Variants in NOX4 observed in about 807,000 individuals in gnomAD.
The protein encoded by NOX4 is NADPH oxidase 4.
NOX4 carries 69 observed loss-of-function variants against 87.6 expected under a neutral mutation model. The ratio of observed to expected loss-of-function variants is 0.79; its 90% CI spans 0.65 to 0.96. The LOEUF (loss-of-function observed/expected upper bound fraction) is 0.96. Ranked by LOEUF, NOX4 falls within the 40% of genes least tolerant of loss-of-function variation. The pLI, the probability that NOX4 is intolerant of heterozygous loss-of-function variation, is 0.00. For missense variants in NOX4, 680 were observed against 681.5 expected (o/e 1.00, Z 0.02); for synonymous variants, 275 against 238.2 (o/e 1.15, Z -1.42).
the NOX4 span, among the ~76,000 whole-genome samples, chr11:89,574,519 A>G: frequency 1.3e-5 from 2 of 152,184 alleles, no homozygotes; most frequent in African/African-American, 2.4e-5. Context: ...TGATTCATAT[A>G]TTTTGTTTAG....
chr11:89,538,067 G>GT, the NOX4 span, among the ~76,000 whole-genome samples: 1 of 152,018 alleles, frequency 6.6e-6, no homozygotes, highest in Non-Finnish European at 1.5e-5. Flanking sequence ...TATTTTTCTG[G>GT]TGTCTTGTTT....
the NOX4 span, among the ~76,000 whole-genome samples, chr11:89,531,838 G>T: frequency 6.6e-6 from 1 of 152,238 alleles, no homozygotes; most frequent in Non-Finnish European, 1.5e-5. Flanking sequence ...GGGCCCTGCT[G>T]TTTTGTGCAG....
At chr11:89,546,243 G>A in the NOX4 span, among the ~76,000 whole-genome samples, 4 of 151,944 alleles carry the variant, frequency 2.6e-5, no homozygotes, top group Non-Finnish European at 1.5e-5. Context: ...CTATATTCCA[G>A]GCACTGTGTT....
In NOX4 at chr11:89,480,598, T is replaced by C. The variant is rs570380199; in HGVS notation, c.153+9860A>G. 6.6e-5 allele frequency among the ~76,000 whole-genome samples: 10 copies of C among 152,212 alleles called. No homozygotes were observed. The East Asian group carries it at 1.7e-3, about 26-fold the overall frequency. On this transcript the variant is annotated intron_variant, in intron 2 of 17. Coordinates refer to ENST00000263317, the MANE Select transcript of NOX4 (RefSeq NM_016931.5). ...CATTTTTACAGCTCCTATTATGGAA[T>C]AGACTTCATGTTAGGTGCTTATAAT... is the stretch of plus-strand genomic sequence containing the variant.
At chr11:89,337,297 G>A (rs1945758106) in intron 16 of NOX4, 150 bp downstream of exon 16, 2 of 1,233,650 alleles carry the variant, frequency 1.6e-6, no homozygotes, top group Admixed American at 2.6e-5. Context: ...TCAAGGACAA[G>A]CTATGACTTT....
At chr11:89,517,569 G>A in the NOX4 span, among the ~76,000 whole-genome samples, 1 of 151,676 alleles carries the variant, frequency 6.6e-6, no homozygotes, top group African/African-American at 2.4e-5. Flanking sequence ...TTGAATTATT[G>A]GGCTCAAGTG....
intron 7 of NOX4, among the ~76,000 whole-genome samples, chr11:89,422,757 G>A (rs1943147560): frequency 6.7e-6 from 1 of 150,300 alleles, no homozygotes; most frequent in Non-Finnish European, 1.5e-5. Context: ...ATCATAAACA[G>A]TATCATTACC....
chr11:89,341,911 T>G (rs1197662558), intron 14 of NOX4, among the ~76,000 whole-genome samples, 163 bp downstream of exon 14: 1 of 152,196 alleles, frequency 6.6e-6, no homozygotes, highest in African/African-American at 2.4e-5. Context: ...ACAGACCACA[T>G]GTTGAGAATC....
At chr11:89,511,881 T>C in the NOX4 span, among the ~76,000 whole-genome samples, 1 of 152,070 alleles carries the variant, frequency 6.6e-6, no homozygotes, top group Non-Finnish European at 1.5e-5. Flanking sequence ...CCTACGTCTT[T>C]TAAGACGAGG....
intron 11 of NOX4, among the ~76,000 whole-genome samples, chr11:89,377,761 T>A (rs1291820295): frequency 2.6e-5 from 4 of 152,184 alleles, no homozygotes; most frequent in African/African-American, 4.8e-5. Context: ...ACTAAATGTG[T>A]TAAACCTGAG....
intron 11 of NOX4, among the ~76,000 whole-genome samples, chr11:89,391,963 T>C (rs1403595782): frequency 6.8e-6 from 1 of 147,576 alleles, no homozygotes; most frequent in Non-Finnish European, 1.5e-5. Flanking sequence ...CCTTCCTTCC[T>C]TCCTTCCTTC....
At chr11:89,541,699 T>C in the NOX4 span, among the ~76,000 whole-genome samples, 1 of 151,756 alleles carries the variant, frequency 6.6e-6, no homozygotes, top group African/African-American at 2.4e-5. Flanking sequence ...CTTTAAAAAA[T>C]TTCTTGAGAA....
At chr11:89,364,105 G>A (rs765881925) in intron 12 of NOX4, among the ~76,000 whole-genome samples, 1 of 152,032 alleles carries the variant, frequency 6.6e-6, no homozygotes, top group Non-Finnish European at 1.5e-5. Flanking sequence ...AAATTAGCCA[G>A]ATGTGGTGGT....
At chr11:89,566,767 T>C in the NOX4 span, among the ~76,000 whole-genome samples, 1 of 152,134 alleles carries the variant, frequency 6.6e-6, no homozygotes, top group African/African-American at 2.4e-5. Context: ...GGGAGGAAGC[T>C]GGGAACCCTG....
chr11:89,332,688 T>A (rs997496036), intron 17 of NOX4, among the ~76,000 whole-genome samples: 2 of 151,930 alleles, frequency 1.3e-5, no homozygotes, highest in African/African-American at 4.8e-5. Flanking sequence ...CCACTCTTTA[T>A]CTGTGACAAG....
chr11:89,523,057 G>T, the NOX4 span, among the ~76,000 whole-genome samples: 1 of 151,326 alleles, frequency 6.6e-6, no homozygotes, highest in Non-Finnish European at 1.5e-5. Flanking sequence ...AGACAGTCTT[G>T]CTCTGTCGCC....
At chr11:89,461,016 G>A (rs1456460564) in intron 2 of NOX4, among the ~76,000 whole-genome samples, 2 of 152,116 alleles carry the variant, frequency 1.3e-5, no homozygotes, top group Non-Finnish European at 2.9e-5. Context: ...TAGGGACATG[G>A]GTGAAATTGG....
At chr11:89,446,111 G>C (rs929136285) in intron 4 of NOX4, among the ~76,000 whole-genome samples, 5 of 152,050 alleles carry the variant, frequency 3.3e-5, no homozygotes, top group African/African-American at 1.2e-4. Context: ...AGCACGAAAA[G>C]ATGATCCACA....
intron 11 of NOX4, among the ~76,000 whole-genome samples, chr11:89,374,516 A>G (rs1287084395): frequency 6.6e-6 from 1 of 152,178 alleles, no homozygotes; most frequent in Non-Finnish European, 1.5e-5. Flanking sequence ...TAAGTGATTT[A>G]TTTTCAAAAT....
Sources: allele counts gnomAD v4.1 joint callset (sites outside exome capture counted in the v4.1 genomes callset), GRCh38; gene constraint gnomAD v4.1.1; transcripts MANE v1.5; gene names NCBI Gene and HGNC (gene_info 2026-07-23, HGNC 2026-07-21).